PSMD1: variants seen among roughly 807,000 people sequenced by gnomAD.
PSMD1 encodes the protein 26S proteasome non-ATPase regulatory subunit 1.
A neutral mutation model predicts 119.0 loss-of-function variants in PSMD1; 18 were observed. That is an observed-to-expected ratio of 0.15 (90% CI 0.10 to 0.22). PSMD1 has a LOEUF of 0.22. Among genes scored for constraint, PSMD1 ranks in the 10% least tolerant of loss-of-function variants. The probability of loss-of-function intolerance (pLI) is 1.00; values close to 1 mark genes in which losing one functional copy is unlikely to be tolerated. For missense variants in PSMD1, 702 were observed against 1,158.5 expected (o/e 0.61, Z 5.72); for synonymous variants, 374 against 396.6 (o/e 0.94, Z 0.68).
At chr2:231,134,322 G>A (rs115778618) in intron 16 of PSMD1, among the ~76,000 whole-genome samples, 2,197 of 152,254 alleles carry the variant, frequency 0.014, 22 homozygotes, top group Non-Finnish European at 0.022. Flanking sequence ...GGGGCAGGAG[G>A]AAGGAGACTC....
intron 16 of PSMD1, among the ~76,000 whole-genome samples, chr2:231,099,063 AG>A (rs1309037772): frequency 4.6e-5 from 7 of 152,152 alleles, no homozygotes; most frequent in Non-Finnish European, 1.5e-5. Context: ...GGTTATAACG[AG>A]GAAGGATAAC....
intron 16 of PSMD1, among the ~76,000 whole-genome samples, chr2:231,101,681 C>T (rs1213181022): frequency 6.6e-6 from 1 of 152,118 alleles, no homozygotes; most frequent in Non-Finnish European, 1.5e-5. Context: ...AATTGCCACA[C>T]CCACCCCAGC....
At chr2:231,120,044 CG>C (rs1695482844) in intron 16 of PSMD1, among the ~76,000 whole-genome samples, 1 of 151,026 alleles carries the variant, frequency 6.6e-6, no homozygotes, top group African/African-American at 2.4e-5. Context: ...CTCTGTCTTC[CG>C]GGTTCAAGCT....
chr2:231,110,991 C>A (rs1387874247), intron 16 of PSMD1, among the ~76,000 whole-genome samples: 1 of 152,164 alleles, frequency 6.6e-6, no homozygotes, highest in Non-Finnish European at 1.5e-5. Context: ...AAAACACTTG[C>A]CTTTTGAAGT....
rs189936234 is a variant in PSMD1 at position 231,150,920 on chromosome 2, C to T, written c.2116-2644C>T. 5.0e-4 allele frequency among the ~76,000 whole-genome samples: 76 copies of T among 152,196 alleles called. No individual in the cohort carries two copies. In the South Asian group the frequency reaches 9.7e-3, roughly 20 times the overall value. ...AGATGATAAGTACCAACAGAAACAA[C>T]GCTAAGGAACTTTATTGCTTTCTCC... On this transcript the variant is annotated intron_variant, in intron 18 of 24. Transcript: ENST00000308696.
At chr2:231,123,676 T>A in intron 16 of PSMD1, 1 of 1,613,966 alleles carries the variant, frequency 6.2e-7, no homozygotes, top group Non-Finnish European at 8.5e-7. Flanking sequence ...TCCAGACCAG[T>A]TAGAAGAGAT....
At chr2:231,074,878 G>A (rs1296889476) in intron 7 of PSMD1, among the ~76,000 whole-genome samples, 2 of 152,100 alleles carry the variant, frequency 1.3e-5, no homozygotes, top group African/African-American at 2.4e-5. Flanking sequence ...GCCCAGGCTA[G>A]GGTGCAGTGG....
chr2:231,166,583 A>G (rs1044924921), intron 23 of PSMD1, among the ~76,000 whole-genome samples: 2 of 152,028 alleles, frequency 1.3e-5, no homozygotes, highest in Admixed American at 1.3e-4. Flanking sequence ...TCTTCATGGA[A>G]TTTAATTTAT....
At position 231,146,146 on chromosome 2, in the gene PSMD1, C is replaced by A. The variant is rs933691670; in HGVS notation, c.1999-94C>A. On this transcript the variant is annotated intron_variant, in intron 17 of 24. Transcript: ENST00000308696. ...CCATCATATATGCAGTGTGTCACTT[C>A]CCAGAATGTCGTTACATGGCATGTG... 36 of 820,458 alleles carry A rather than the reference C, an allele frequency of 4.4e-5. No individual in the cohort carries two copies. The African/African-American group carries it at 6.1e-4, about 14-fold the overall frequency. The allele number at this position is 820,458 out of a possible 1,614,324, so 50.8% of individuals were successfully genotyped here.
chr2:231,087,695 G>T (rs1006600359), intron 16 of PSMD1, among the ~76,000 whole-genome samples: 2 of 152,282 alleles, frequency 1.3e-5, no homozygotes, highest in Non-Finnish European at 2.9e-5. Context: ...GGGCGCGGTA[G>T]CTCATGCCTG....
intron 17 of PSMD1, among the ~76,000 whole-genome samples, chr2:231,140,153 C>T (rs925419739): frequency 3.9e-5 from 6 of 152,052 alleles, no homozygotes; most frequent in East Asian, 1.9e-4. Flanking sequence ...GGACTGATTC[C>T]AGGAATCTAA....
chr2:231,153,091 C>T (rs1051980099), intron 18 of PSMD1, among the ~76,000 whole-genome samples: 8 of 152,110 alleles, frequency 5.3e-5, no homozygotes, highest in African/African-American at 1.9e-4. Context: ...GAAATCTTTA[C>T]TTTATGTGAA....
chr2:231,146,314 A>G lies in PSMD1; in HGVS notation c.2073A>G (p.Ser691=), dbSNP rs1338726520. The change falls in exon 18 of 25, where the codon TCA becomes TCG. Residue 691 remains serine (S), a synonymous_variant. Coordinates refer to ENST00000308696, the MANE Select transcript of PSMD1 (RefSeq NM_002807.4). The part of the protein sequence containing the change: ...NYVRQGALIA[S]ALIMIQQTEI... ...TGAGGCAAGGGGCACTCATAGCTTC[A>G]GCTCTCATCATGATCCAGCAGACTG... 6.2e-7 allele frequency: 1 copy of G among 1,613,928 alleles called. No individual in the cohort carries two copies. The highest frequency in any genetic ancestry group is 1.1e-5 in the South Asian group (1 of 91,078).
At chr2:231,161,773 C>T (rs916665194) in intron 20 of PSMD1, among the ~76,000 whole-genome samples, 1 of 152,080 alleles carries the variant, frequency 6.6e-6, no homozygotes, top group Non-Finnish European at 1.5e-5. Flanking sequence ...TATAAACATA[C>T]GAAGAGGCTT....
intron 16 of PSMD1, chr2:231,109,468 A>G (rs1244168193): frequency 7.1e-7 from 1 of 1,416,112 alleles, no homozygotes; most frequent in Non-Finnish European, 1.0e-6. Context: ...CTCTTCGATT[A>G]GATCCTTTTG....
intron 16 of PSMD1, among the ~76,000 whole-genome samples, chr2:231,135,469 A>G (rs577413438): frequency 1.1e-4 from 17 of 152,280 alleles, no homozygotes; most frequent in Admixed American, 1.0e-3. Context: ...AATTGGCCCA[A>G]CTATTTAGAG....
At chr2:231,169,833 C>T (rs1440599920) in intron 23 of PSMD1, among the ~76,000 whole-genome samples, 2 of 152,084 alleles carry the variant, frequency 1.3e-5, no homozygotes, top group Non-Finnish European at 2.9e-5. Flanking sequence ...TTGAATTTAC[C>T]TTCTGTAATA....
intron 16 of PSMD1, among the ~76,000 whole-genome samples, chr2:231,138,090 C>T (rs985851469): frequency 2.6e-5 from 4 of 152,206 alleles, no homozygotes; most frequent in Non-Finnish European, 4.4e-5. Flanking sequence ...AGGATAGCCA[C>T]TGTGCCAGCC....
At chr2:231,116,478 C>G (rs1695338508) in intron 16 of PSMD1, among the ~76,000 whole-genome samples, 1 of 151,660 alleles carries the variant, frequency 6.6e-6, no homozygotes, top group Non-Finnish European at 1.5e-5. Flanking sequence ...GTCTATTTAG[C>G]TATTCTAGTT....
Sources: gnomAD v4.1 joint callset for allele counts (sites outside exome capture counted in the v4.1 genomes callset) on GRCh38, gnomAD v4.1.1 for gene constraint, MANE v1.5 for transcripts, NCBI Gene and HGNC (gene_info 2026-07-23, HGNC 2026-07-21) for gene names.